Variants in ATP8A2 observed in about 807,000 individuals in gnomAD.
The protein encoded by ATP8A2 is phospholipid-transporting ATPase IB.
Under a neutral mutation model 165.6 loss-of-function variants are expected in ATP8A2, and 100 were observed. The observed-to-expected ratio is 0.60, with a 90% CI of 0.51 to 0.71. The LOEUF is 0.71. Ranked by LOEUF, ATP8A2 falls within the 30% of genes least tolerant of loss-of-function variation. The pLI is 0.00. For missense variants in ATP8A2, 1,227 were observed against 1,479.5 expected, an observed-to-expected ratio of 0.83 and a Z score of 2.80; for synonymous variants, 543 against 548.8, an observed-to-expected ratio of 0.99 and a Z score of 0.15.
intron 28 of ATP8A2, among the ~76,000 whole-genome samples, chr13:25,832,711 A>T (rs764110004): frequency 2.0e-5 from 3 of 152,218 alleles, no homozygotes; most frequent in Non-Finnish European, 2.9e-5. Context: ...CAGAATTCAG[A>T]CCATTTACAA....
chr13:25,829,932 G>GTTTA (rs1951421183), intron 28 of ATP8A2, among the ~76,000 whole-genome samples: 1 of 150,748 alleles, frequency 6.6e-6, no homozygotes, highest in Admixed American at 6.6e-5. Flanking sequence ...AATAACTAGG[G>GTTTA]TTTATTTGAA....
rs959724348 is a variant in ATP8A2 at position 25,573,205 on chromosome 13, G to A, written c.1662+1513G>A. 3.3e-5 allele frequency among the ~76,000 whole-genome samples: 5 copies of A among 152,182 alleles called. No individual in the cohort carries two copies. In the South Asian group the frequency reaches 1.0e-3, roughly 32 times the overall value. ...GATTTTCAGTTGTGTGGGTGCCACC[G>A]CATGTCTCTGCATTGCAAAAATGGA... is the stretch of plus-strand genomic sequence containing the variant. On this transcript the variant is annotated intron_variant, in intron 18 of 36. Transcript: ENST00000381655.
At position 25,520,646 on chromosome 13, in the gene ATP8A2, G is replaced by A. The variant is rs111939077; in HGVS notation, c.222-9353G>A. 6.2e-3 allele frequency among the ~76,000 whole-genome samples: 919 copies of A among 149,240 alleles called. 8 individuals carry two copies. Among genetic ancestry groups the A allele is most frequent in the African/African-American group, 0.022 (878 of 40,646 alleles). ...GATGGAGTCTTGCTCTGTCTCCCAG[G>A]CTGGAGTGCAGTGGCACGATCTTGG... On this transcript the variant is annotated intron_variant, in intron 2 of 36. Coordinates refer to ENST00000381655, the MANE Select transcript of ATP8A2 (RefSeq NM_016529.6).
At chr13:25,777,999 A>G (rs767395135) in intron 27 of ATP8A2, among the ~76,000 whole-genome samples, 1 of 152,252 alleles carries the variant, frequency 6.6e-6, no homozygotes, top group Non-Finnish European at 1.5e-5. Context: ...GATAAATGCC[A>G]TCATGCTGTG....
Position 25,579,932 on chromosome 13 carries a change from C to G in ATP8A2, c.1992C>G (p.Tyr664Ter). The change falls in exon 22 of 37, where the codon TAC becomes TAG. Residue 664 changes from tyrosine (Y) to a stop codon, truncating the protein, a stop_gained. Coordinates refer to ENST00000381655, the MANE Select transcript of ATP8A2 (RefSeq NM_016529.6). LOFTEE classifies it high-confidence loss of function. ...KDRAQRLEEC[Y>*]EIIEKNLLLL... ...GAGCTCAACGGTTGGAAGAGTGTTA[C>G]GAGATCATTGAGAAGGTAACCGCAC... 1 of 1,613,962 alleles carries G rather than the reference C, an allele frequency of 6.2e-7. No individual in the cohort carries two copies. Among genetic ancestry groups the G allele is most frequent in the Non-Finnish European group, 8.5e-7 (1 of 1,179,942 alleles).
At chr13:26,001,745 G>A (rs2139323223) in intron 35 of ATP8A2, among the ~76,000 whole-genome samples, 1 of 151,988 alleles carries the variant, frequency 6.6e-6, no homozygotes, top group South Asian at 2.1e-4. Flanking sequence ...TGAGTTGTAG[G>A]TGTTCTTTAT....
chr13:25,901,420 AC>A (rs1247107141), intron 33 of ATP8A2, among the ~76,000 whole-genome samples: 1 of 151,398 alleles, frequency 6.6e-6, no homozygotes, highest in Non-Finnish European at 1.5e-5. Flanking sequence ...AAAAAAAAAA[AC>A]CACATGTTAC....
At chr13:25,766,225 C>T (rs1044822056) in intron 25 of ATP8A2, among the ~76,000 whole-genome samples, 1 of 152,108 alleles carries the variant, frequency 6.6e-6, no homozygotes, top group Non-Finnish European at 1.5e-5. Flanking sequence ...ACTGTAGATC[C>T]ACTATGTCCT....
intron 25 of ATP8A2, among the ~76,000 whole-genome samples, chr13:25,765,891 T>C (rs2044480671): frequency 6.6e-6 from 1 of 152,176 alleles, no homozygotes; most frequent in African/African-American, 2.4e-5. Context: ...TCCTTCCCTG[T>C]TCCACTCCTG....
intron 25 of ATP8A2, among the ~76,000 whole-genome samples, chr13:25,741,368 C>A (rs1358839581): frequency 1.3e-5 from 2 of 152,060 alleles, no homozygotes; most frequent in Admixed American, 6.5e-5. Context: ...TACACTCGAG[C>A]AACATTTTAG....
chr13:25,983,896 C>A (rs952127270), intron 35 of ATP8A2, among the ~76,000 whole-genome samples: 5 of 151,938 alleles, frequency 3.3e-5, no homozygotes, highest in African/African-American at 4.8e-5. Flanking sequence ...AATTCCCAAG[C>A]AGGTAGTGAA....
At chr13:25,964,004 C>T (rs527560560) in intron 34 of ATP8A2, among the ~76,000 whole-genome samples, 9 of 152,338 alleles carry the variant, frequency 5.9e-5, no homozygotes, top group East Asian at 3.9e-4. Flanking sequence ...AGCATAAACC[C>T]GGGCTCTGCA....
rs561038668 is a variant in ATP8A2 at position 25,749,490 on chromosome 13, G to A, written c.2385-19556G>A. Among the ~76,000 whole-genome samples, 4 of 152,242 alleles carry A rather than the reference G, an allele frequency of 2.6e-5. No individual in the cohort carries two copies. In the East Asian group the frequency reaches 7.7e-4, roughly 29 times the overall value. ...TGTCTGGAGAAAAGCAGAGCAGTGG[G>A]AATGTGGGTGAGGAGGGGGTGTAGG... is the stretch of plus-strand genomic sequence containing the variant. On this transcript the variant is annotated intron_variant, in intron 25 of 36. Coordinates refer to ENST00000381655, the MANE Select transcript of ATP8A2 (RefSeq NM_016529.6).
chr13:25,808,580 C>T (rs1158246357), intron 27 of ATP8A2, among the ~76,000 whole-genome samples: 3 of 148,368 alleles, frequency 2.0e-5, no homozygotes, highest in Admixed American at 6.7e-5. Flanking sequence ...GCCTGGGTGA[C>T]AGAGCAAGAC....
intron 27 of ATP8A2, among the ~76,000 whole-genome samples, chr13:25,809,965 ATGTCAGC>A (rs1950825811): frequency 6.6e-6 from 1 of 152,194 alleles, no homozygotes; most frequent in Admixed American, 6.5e-5. Context: ...AGAGAGGACC[ATGTCAGC>A]TGTCTGCTTC....
At chr13:25,981,463 T>C (rs1030660226) in intron 35 of ATP8A2, among the ~76,000 whole-genome samples, 14 of 152,208 alleles carry the variant, frequency 9.2e-5, no homozygotes, top group Admixed American at 2.0e-4. Flanking sequence ...GTTTGAAAAA[T>C]AGCAATATGT....
intron 25 of ATP8A2, among the ~76,000 whole-genome samples, chr13:25,716,290 T>G (rs2043253416): frequency 6.6e-6 from 1 of 152,196 alleles, no homozygotes; most frequent in African/African-American, 2.4e-5. Context: ...TCTTTTCACT[T>G]GATGGTATTG....
At position 25,828,402 on chromosome 13, in the gene ATP8A2, C is replaced by T. The variant is rs148649552; in HGVS notation, c.2754+210C>T. Among the ~76,000 whole-genome samples, 5 of 152,334 alleles carry T rather than the reference C, an allele frequency of 3.3e-5. No homozygotes were observed. In the East Asian group the frequency reaches 9.7e-4, roughly 29 times the overall value. On this transcript the variant is annotated intron_variant, in intron 28 of 36. Transcript: ENST00000381655. Reference sequence around the variant, plus strand: ...TGGTTTCAATCATAGCAGATCATTCCTGAATAACCCCTTGAAATTATTAAC... The same window carrying T: ...TGGTTTCAATCATAGCAGATCATTCTTGAATAACCCCTTGAAATTATTAAC...
chr13:25,626,987 A>G (rs1291515000), intron 24 of ATP8A2, among the ~76,000 whole-genome samples: 1 of 152,080 alleles, frequency 6.6e-6, no homozygotes, highest in African/African-American at 2.4e-5. Context: ...TGGTTTAATT[A>G]TCTCCCACCA....
Sources: gnomAD v4.1 joint callset for allele counts (sites outside exome capture counted in the v4.1 genomes callset) on GRCh38, gnomAD v4.1.1 for gene constraint, MANE v1.5 for transcripts, NCBI Gene and HGNC (gene_info 2026-07-23, HGNC 2026-07-21) for gene names.